Variants in UBR3 observed in about 807,000 individuals in gnomAD.
UBR3 encodes ubiquitin protein ligase E3 component n-recognin 3.
UBR3 carries 85 observed loss-of-function variants against 243.2 expected under a neutral mutation model. The ratio of observed to expected loss-of-function variants is 0.35; its 90% CI spans 0.29 to 0.42. UBR3 has a LOEUF of 0.42. Among genes scored for constraint, UBR3 ranks in the 10% least tolerant of loss-of-function variants. The probability of loss-of-function intolerance (pLI) is 1.00; values close to 1 mark genes in which losing one functional copy is unlikely to be tolerated. For synonymous variants in UBR3, 748 were observed against 799.8 expected (o/e 0.94, Z 1.09); for missense variants, 1,686 against 2,300.8 (o/e 0.73, Z 5.47).
In UBR3 at chr2:170,029,467, C is replaced by T. The variant is rs764248788; in HGVS notation, c.4556+19C>T. Reference sequence around the variant, plus strand: ...ATCCACAGTAAGTATAATTGAAAGACTAAAATCAATTAAAACTCTTTATGA... The same window carrying T: ...ATCCACAGTAAGTATAATTGAAAGATTAAAATCAATTAAAACTCTTTATGA... On this transcript the variant is annotated intron_variant, in intron 31 of 38. Coordinates refer to ENST00000272793, the MANE Select transcript of UBR3 (RefSeq NM_172070.4). 6.5e-7 allele frequency: 1 copy of T among 1,542,194 alleles called. No individual in the cohort carries two copies. Among genetic ancestry groups the T allele is most frequent in the South Asian group, 1.2e-5 (1 of 84,104 alleles).
At position 169,980,677 on chromosome 2, in the gene UBR3, T is replaced by TA. The variant is rs538012489; in HGVS notation, c.3635-5967dup. On this transcript the variant is annotated intron_variant, in intron 24 of 38. Coordinates refer to ENST00000272793, the MANE Select transcript of UBR3 (RefSeq NM_172070.4). ...ACATGTGCACAAAGTGCAGGTTAGTTACATACGAATACATGTGCCATGCTG... is the reference window on the plus strand; with the variant it reads ...ACATGTGCACAAAGTGCAGGTTAGTTAACATACGAATACATGTGCCATGCTG... Among the ~76,000 whole-genome samples, 21 of 152,006 alleles carry TA rather than the reference T, an allele frequency of 1.4e-4. No individual in the cohort carries two copies. The East Asian group carries it at 3.9e-3, about 28-fold the overall frequency.
At chr2:169,910,383 G>C (rs973940576) in intron 10 of UBR3, among the ~76,000 whole-genome samples, 2 of 152,128 alleles carry the variant, frequency 1.3e-5, no homozygotes, top group Non-Finnish European at 2.9e-5. Context: ...GATATAAAAA[G>C]ATCAATATTT....
intron 32 of UBR3, among the ~76,000 whole-genome samples, chr2:170,054,194 C>G (rs1208503669): frequency 6.6e-6 from 1 of 151,608 alleles, no homozygotes; most frequent in Non-Finnish European, 1.5e-5. Flanking sequence ...GTGGAGTGAT[C>G]TTGGATTACT....
chr2:170,020,457 G>A (rs2090359988), intron 30 of UBR3, among the ~76,000 whole-genome samples: 1 of 152,142 alleles, frequency 6.6e-6, no homozygotes, highest in South Asian at 2.1e-4. Flanking sequence ...CAGCAAACTA[G>A]GATCATAAGC....
At chr2:169,953,387 C>G (rs1422887996) in intron 23 of UBR3, among the ~76,000 whole-genome samples, 1 of 152,130 alleles carries the variant, frequency 6.6e-6, no homozygotes, top group African/African-American at 2.4e-5. Flanking sequence ...AAGTACTTCA[C>G]CTTTAGACAA....
At chr2:169,866,150 C>CAA (rs578054467) in intron 1 of UBR3, among the ~76,000 whole-genome samples, 1,078 of 53,366 alleles carry the variant, frequency 0.02, 174 homozygotes, top group African/African-American at 0.032. Flanking sequence ...GACTGTGTCT[C>CAA]AAAAAAAAAA....
chr2:169,942,463 T>C (rs1199966529), intron 19 of UBR3, 30 bp from the exon 20 acceptor site: 1 of 1,522,950 alleles, frequency 6.6e-7, no homozygotes, highest in African/African-American at 1.4e-5. Context: ...GAGGCTATCA[T>C]CTAATTCTAG....
intron 30 of UBR3, among the ~76,000 whole-genome samples, chr2:170,021,928 TAGG>T (rs1296387266): frequency 1.3e-5 from 2 of 152,160 alleles, no homozygotes; most frequent in Non-Finnish European, 2.9e-5. Context: ...TATCAGGACA[TAGG>T]AGTCTTTGGA....
At chr2:169,829,477 G>C (rs1446044593) in intron 1 of UBR3, among the ~76,000 whole-genome samples, 1 of 144,896 alleles carries the variant, frequency 6.9e-6, no homozygotes, top group Non-Finnish European at 1.5e-5. Flanking sequence ...AAGCTGGAGT[G>C]CAATGGCGCG....
intron 11 of UBR3, 83 bp from the exon 12 acceptor site, chr2:169,923,846 G>C: frequency 8.9e-7 from 1 of 1,128,918 alleles, no homozygotes; most frequent in South Asian, 1.7e-5. Context: ...ATCCAGGTGA[G>C]AGTATGGTTT....
At chr2:169,948,800 A>C (rs1015481535) in intron 22 of UBR3, among the ~76,000 whole-genome samples, 4 of 152,048 alleles carry the variant, frequency 2.6e-5, no homozygotes, top group African/African-American at 9.7e-5. Flanking sequence ...AAATTCATTA[A>C]ACTGACTCAT....
At chr2:169,959,415 A>G (rs1011237628) in intron 24 of UBR3, among the ~76,000 whole-genome samples, 1 of 151,734 alleles carries the variant, frequency 6.6e-6, no homozygotes, top group Non-Finnish European at 1.5e-5. Context: ...CTTTCTGAGC[A>G]TTGACTTTCC....
At chr2:169,864,479 G>A (rs970941145) in intron 1 of UBR3, among the ~76,000 whole-genome samples, 3 of 152,018 alleles carry the variant, frequency 2.0e-5, no homozygotes, top group Admixed American at 1.3e-4. Flanking sequence ...AAATAATTTT[G>A]TTGGCCAGGC....
At chr2:169,927,882 CAG>C (rs771119130) in intron 17 of UBR3, among the ~76,000 whole-genome samples, 9 of 152,152 alleles carry the variant, frequency 5.9e-5, no homozygotes, top group African/African-American at 2.2e-4. Context: ...TGTGTACAAA[CAG>C]GGAACCTGTG....
chr2:169,904,522 AT>A (rs1238567660), intron 8 of UBR3, among the ~76,000 whole-genome samples: 1 of 151,380 alleles, frequency 6.6e-6, no homozygotes, highest in South Asian at 2.1e-4. Context: ...CCAATGATGT[AT>A]TTAAACTTTG....
intron 30 of UBR3, among the ~76,000 whole-genome samples, chr2:170,020,253 A>G (rs999167022): frequency 3.9e-5 from 6 of 152,336 alleles, no homozygotes; most frequent in South Asian, 2.1e-4. Flanking sequence ...AAATTTGGCC[A>G]TCAAATTATT....
intron 13 of UBR3, among the ~76,000 whole-genome samples, chr2:169,925,102 A>C (rs757768151): frequency 2.0e-5 from 3 of 152,256 alleles, no homozygotes; most frequent in Non-Finnish European, 4.4e-5. Context: ...GAAGAATTAA[A>C]TACTGATGTA....
At chr2:169,954,972 C>T (rs2087211714) in intron 23 of UBR3, among the ~76,000 whole-genome samples, 1 of 152,136 alleles carries the variant, frequency 6.6e-6, no homozygotes, top group South Asian at 2.1e-4. Context: ...TTTTTGTTTT[C>T]ATAACCTTGG....
At chr2:169,838,432 TG>T (rs1419516665) in intron 1 of UBR3, among the ~76,000 whole-genome samples, 2 of 133,282 alleles carry the variant, frequency 1.5e-5, no homozygotes, top group Non-Finnish European at 3.4e-5. Context: ...TGTGTGTGTG[TG>T]TGTGTGTGTG....
Sources: gnomAD v4.1 joint callset for allele counts (sites outside exome capture counted in the v4.1 genomes callset) on GRCh38, gnomAD v4.1.1 for gene constraint, MANE v1.5 for transcripts, NCBI Gene and HGNC (gene_info 2026-07-23, HGNC 2026-07-21) for gene names.